EZH1: variants seen among roughly 807,000 people sequenced by gnomAD.
EZH1 encodes histone-lysine N-methyltransferase EZH1.
Under a neutral mutation model 100.5 loss-of-function variants are expected in EZH1, and 33 were observed. The ratio of observed to expected loss-of-function variants is 0.33; its 90% CI spans 0.25 to 0.44. The LOEUF (loss-of-function observed/expected upper bound fraction) is 0.44, where lower values mean the gene tolerates loss of function less well. EZH1 is among the 20% of genes least tolerant of loss of function. EZH1 has a pLI of 1.00. For missense variants in EZH1, 475 were observed against 928.4 expected (o/e 0.51, Z 6.35); for synonymous variants, 272 against 313.8 (o/e 0.87, Z 1.41).
At chr17:42,737,237 T>C (rs930825556) in intron 1 of EZH1, among the ~76,000 whole-genome samples, 5 of 151,958 alleles carry the variant, frequency 3.3e-5, no homozygotes, top group Admixed American at 3.3e-4. Flanking sequence ...CCACCCGCCT[T>C]GGCCTCCCAA....
At position 42,704,724 on chromosome 17, in the gene EZH1, C is replaced by T. The variant is rs545610966; in HGVS notation, c.1936-41G>A. 6.5e-6 allele frequency: 10 copies of T among 1,548,548 alleles called. No individual in the cohort carries two copies. The Admixed American group carries it at 6.9e-5, about 11-fold the overall frequency. On this transcript the variant is annotated intron_variant, in intron 17 of 20. Coordinates refer to ENST00000428826, the MANE Select transcript of EZH1 (RefSeq NM_001991.5). ...AATAACAAATAGGAGTATCAGGCTG[C>T]CTGCTCAGGGCATGGTACCCTGCCC...
chr17:42,720,525 A>T, intron 6 of EZH1, 76 bp from the exon 7 acceptor site: 3 of 1,391,520 alleles, frequency 2.2e-6, no homozygotes. Context: ...GTTTTCTTGT[A>T]CTCACTCCAG....
chr17:42,730,714 T>G, intron 2 of EZH1, 114 bp downstream of exon 2: 1 of 232,382 alleles, frequency 4.3e-6, no homozygotes, highest in Non-Finnish European at 7.1e-6. Context: ...GCCAGGATGG[T>G]CTCGATCTCC....
chr17:42,733,264 G>A (rs2053989877), intron 1 of EZH1, among the ~76,000 whole-genome samples: 1 of 149,516 alleles, frequency 6.7e-6, no homozygotes, highest in African/African-American at 2.5e-5. Flanking sequence ...TTGAACCTGG[G>A]AGGCAGAAGT....
In EZH1 at chr17:42,706,123, A is replaced by G. The variant is rs753501930; in HGVS notation, c.1723T>C (p.Tyr575His). 1.2e-6 allele frequency: 2 copies of G among 1,614,170 alleles called. No homozygotes were observed. Among genetic ancestry groups the G allele is most frequent in the South Asian group, 1.1e-5 (1 of 91,078 alleles). The stretch of plus-strand genomic sequence containing the variant: ...GGGTCACATTCTCGCACTGCCAGAT[A>G]GCAAGGACATTGCTTGGTATTGCAC... ...TQCNTKQCPCYLAVRECDPDL... is the reference protein window; with the variant it reads ...TQCNTKQCPCHLAVRECDPDL... Residue 575 changes from tyrosine to histidine, a missense_variant, in exon 16 of 21, where the codon TAT (tyrosine) becomes CAT (histidine). Physicochemically the swap from Tyr to His is moderately conservative, Grantham distance 83. Transcript: ENST00000428826. The surrounding 1 kb of genome is among the most constrained non-coding windows in gnomAD (Gnocchi z 4.4).
At chr17:42,728,787 T>C in intron 3 of EZH1, 38 bp downstream of exon 3, 3 of 1,604,458 alleles carry the variant, frequency 1.9e-6, no homozygotes, top group Non-Finnish European at 2.6e-6. Context: ...GTCAGTATAT[T>C]GAAATATATA....
In EZH1 at chr17:42,713,354, G is replaced by A; in HGVS notation, c.1059C>T (p.Pro353=). Residue 353 remains proline (P), a synonymous_variant, in exon 11 of 21, where the codon CCC becomes CCT. Coordinates refer to ENST00000428826, the MANE Select transcript of EZH1 (RefSeq NM_001991.5). ...GAKEYAMLHN[P]RSKCSGRRRR... ...GGCGACGACCAGAGCACTTGGAGCG[G>A]GGGTTGTGGAGCATGGCATACTCCT... 2 of 1,610,474 alleles carry A rather than the reference G, an allele frequency of 1.2e-6. No homozygotes were observed. Among genetic ancestry groups the A allele is most frequent in the African/African-American group, 1.3e-5 (1 of 74,956 alleles).
At position 42,724,296 on chromosome 17, in the gene EZH1, A is replaced by G; in HGVS notation, c.366+9T>C. The G allele has an allele frequency of 1.2e-6, 2 of 1,613,594 alleles. No homozygotes were observed. The highest frequency in any genetic ancestry group is 1.1e-5 in the South Asian group (1 of 91,072). On this transcript the variant is annotated intron_variant, in intron 5 of 20. Transcript: ENST00000428826. The stretch of plus-strand genomic sequence containing the variant: ...TTTAAATAACCACCACAGTGCTTTC[A>G]ATACATACCATAAAGTTCTGTTGGA...
In EZH1 at chr17:42,718,410, G is replaced by A. The variant is rs754451901; in HGVS notation, c.931+44C>T. The A allele has an allele frequency of 6.2e-7, 1 of 1,604,786 alleles. No homozygotes were observed. Among genetic ancestry groups the A allele is most frequent in the South Asian group, 1.1e-5 (1 of 90,688 alleles). ...CAAAGAGAAGGAAATGGTGGCTGGG[G>A]ATGGAAGAGAGGAGAGCATTTCAAA... is the stretch of plus-strand genomic sequence containing the variant. On this transcript the variant is annotated intron_variant, in intron 9 of 20. Transcript: ENST00000428826. This position sits in a 1 kb window ranked among gnomAD's most constrained non-coding sequence, Gnocchi z 4.2.
intron 1 of EZH1, among the ~76,000 whole-genome samples, chr17:42,738,861 GC>G (rs1207277757): frequency 6.7e-6 from 1 of 149,710 alleles, no homozygotes; most frequent in African/African-American, 2.5e-5. Flanking sequence ...CTGGGTTCAA[GC>G]GATTCTCTTG....
At chr17:42,723,297 C>T (rs193074620) in intron 5 of EZH1, among the ~76,000 whole-genome samples, 4 of 152,078 alleles carry the variant, frequency 2.6e-5, no homozygotes, top group Admixed American at 6.5e-5. Context: ...ATCGCTTGAA[C>T]CTGGGAGGCA....
Position 42,706,849 on chromosome 17 carries a change from C to T in EZH1, c.1661-664G>A, listed in dbSNP as rs1214869912. 1.3e-5 allele frequency among the ~76,000 whole-genome samples: 2 copies of T among 152,166 alleles called. No individual in the cohort carries two copies. Among genetic ancestry groups the T allele is most frequent in the Admixed American group, 6.5e-5 (1 of 15,282 alleles). On this transcript the variant is annotated intron_variant, in intron 15 of 20. Transcript: ENST00000428826. This position sits in a 1 kb window ranked among gnomAD's most constrained non-coding sequence, Gnocchi z 4.4. Reference sequence around the variant, plus strand: ...AAATTGTCACCATCAAAACAAGTATCATTTTGAGAACAGAATGCATCCGTT... The same window carrying T: ...AAATTGTCACCATCAAAACAAGTATTATTTTGAGAACAGAATGCATCCGTT...
At chr17:42,707,268 C>T (rs1235154231) in intron 15 of EZH1, among the ~76,000 whole-genome samples, 2 of 151,434 alleles carry the variant, frequency 1.3e-5, no homozygotes, top group Admixed American at 6.6e-5. Context: ...TCCCACATTT[C>T]TTTTCTTTTT....
intron 14 of EZH1, among the ~76,000 whole-genome samples, 173 bp downstream of exon 14, chr17:42,708,703 A>C (rs534211210): frequency 6.6e-6 from 1 of 152,296 alleles, no homozygotes; most frequent in African/African-American, 2.4e-5. Flanking sequence ...TTACCTCCTA[A>C]GAGGTCTTCT....
At chr17:42,732,280 C>T (rs1459368358) in intron 1 of EZH1, among the ~76,000 whole-genome samples, 2 of 152,162 alleles carry the variant, frequency 1.3e-5, no homozygotes, top group Middle Eastern at 3.4e-3. Context: ...TTGGCCAACA[C>T]AGTCAGATCC....
At chr17:42,704,934 C>T (rs933468501) in intron 17 of EZH1, among the ~76,000 whole-genome samples, 154 bp downstream of exon 17, 2 of 152,220 alleles carry the variant, frequency 1.3e-5, no homozygotes, top group Non-Finnish European at 1.5e-5. Context: ...GGTTTCAGTA[C>T]TGCAAACGGT....
chr17:42,710,197 C>G (rs2053448238), intron 12 of EZH1, among the ~76,000 whole-genome samples: 2 of 152,190 alleles, frequency 1.3e-5, no homozygotes, highest in South Asian at 2.1e-4. Flanking sequence ...TCACCTACTA[C>G]TCTTTCTACC....
chr17:42,734,512 A>C (rs1019268677), intron 1 of EZH1, among the ~76,000 whole-genome samples: 3 of 151,914 alleles, frequency 2.0e-5, no homozygotes, highest in African/African-American at 7.3e-5. Flanking sequence ...AAAATTACAA[A>C]AATTACCCGG....
intron 1 of EZH1, among the ~76,000 whole-genome samples, chr17:42,743,467 G>A (rs1167191950): frequency 6.6e-6 from 1 of 151,362 alleles, no homozygotes; most frequent in African/African-American, 2.4e-5. Flanking sequence ...CACCGTGCCA[G>A]GCTTTTTTTT....
Sources: allele counts gnomAD v4.1 joint callset (sites outside exome capture counted in the v4.1 genomes callset), GRCh38; gene constraint gnomAD v4.1.1; non-coding constraint Gnocchi (gnomAD v3.1); transcripts MANE v1.5; gene names NCBI Gene and HGNC (gene_info 2026-07-23, HGNC 2026-07-21).